Variants in MEI4 observed in about 807,000 individuals in gnomAD.
The protein encoded by MEI4 is meiosis-specific protein MEI4.
MEI4 carries 27 observed loss-of-function variants against 31.4 expected under a neutral mutation model. The observed-to-expected ratio is 0.86, with a 90% CI of 0.63 to 1.19. MEI4 has a LOEUF of 1.19. Ranked by LOEUF, MEI4 falls within the 50% of genes most tolerant of loss-of-function variation. The pLI, the probability that MEI4 is intolerant of heterozygous loss-of-function variation, is 0.00. For synonymous variants in MEI4, 122 were observed against 145.4 expected, an observed-to-expected ratio of 0.84 and a Z score of 1.16; for missense variants, 329 against 398.9, an observed-to-expected ratio of 0.82 and a Z score of 1.49.
intron 2 of MEI4, among the ~76,000 whole-genome samples, chr6:77,692,894 T>G (rs986542471): frequency 5.3e-5 from 8 of 151,976 alleles, no homozygotes; most frequent in Non-Finnish European, 1.0e-4. Flanking sequence ...AGACACAGAC[T>G]TAGGATCTGT....
intron 4 of MEI4, among the ~76,000 whole-genome samples, chr6:77,917,771 A>C (rs1255402012): frequency 6.6e-6 from 1 of 151,016 alleles, no homozygotes; most frequent in Non-Finnish European, 1.5e-5. Context: ...CTTTAGTTTA[A>C]TGAGATACCA....
chr6:77,914,651 C>T (rs558229642), intron 4 of MEI4, among the ~76,000 whole-genome samples: 21 of 152,052 alleles, frequency 1.4e-4, no homozygotes, highest in African/African-American at 2.4e-4. Flanking sequence ...CTAGATAATC[C>T]GTCTAATGCT....
intron 3 of MEI4, among the ~76,000 whole-genome samples, chr6:77,821,746 A>C (rs1273400299): frequency 6.9e-6 from 1 of 144,868 alleles, no homozygotes; most frequent in Non-Finnish European, 1.5e-5. Context: ...TGGTGAGCTG[A>C]GATCGCGCCA....
intron 4 of MEI4, among the ~76,000 whole-genome samples, chr6:77,886,393 G>A (rs771885097): frequency 6.6e-6 from 1 of 151,346 alleles, no homozygotes. Context: ...TAGGTTGTAC[G>A]TGTCCAAGAA....
intron 4 of MEI4, 132 bp from the exon 5 acceptor site, chr6:77,922,957 G>GTGAC (rs1554181879): frequency 2.2e-6 from 1 of 451,668 alleles, no homozygotes. Context: ...TTGTTCACCA[G>GTGAC]TGACAGGATG....
At chr6:77,862,737 C>T (rs1464901800) in intron 4 of MEI4, among the ~76,000 whole-genome samples, 2 of 152,160 alleles carry the variant, frequency 1.3e-5, no homozygotes, top group Admixed American at 6.5e-5. Flanking sequence ...GTGGTTCTCC[C>T]AGCACGCAGC....
At chr6:77,869,121 C>T (rs1343727707) in intron 4 of MEI4, among the ~76,000 whole-genome samples, 1 of 152,036 alleles carries the variant, frequency 6.6e-6, no homozygotes, top group African/African-American at 2.4e-5. Context: ...TTGCAGTAAG[C>T]AAAGCAAAGT....
chr6:77,825,921 C>G (rs559530980), intron 3 of MEI4, among the ~76,000 whole-genome samples: 1 of 152,272 alleles, frequency 6.6e-6, no homozygotes, highest in South Asian at 2.1e-4. Flanking sequence ...ACAATCTATA[C>G]TCTGTGCATG....
chr6:77,821,467 A>G (rs1582183210), intron 3 of MEI4, among the ~76,000 whole-genome samples: 1 of 152,258 alleles, frequency 6.6e-6, no homozygotes, highest in Non-Finnish European at 1.5e-5. Flanking sequence ...CAATGTAGAT[A>G]TGGCTGGATT....
chr6:77,786,557 G>A (rs1260981796), intron 3 of MEI4, among the ~76,000 whole-genome samples: 2 of 152,032 alleles, frequency 1.3e-5, no homozygotes, highest in African/African-American at 2.4e-5. Context: ...GGAGGTGCTA[G>A]GAAATGTAAT....
At chr6:77,922,678 T>C (rs550447978) in intron 4 of MEI4, among the ~76,000 whole-genome samples, 11 of 151,868 alleles carry the variant, frequency 7.2e-5, no homozygotes, top group South Asian at 2.1e-4. Flanking sequence ...TATTCCCCTA[T>C]AGATGATGAA....
intron 4 of MEI4, among the ~76,000 whole-genome samples, chr6:77,899,143 C>T (rs1189580039): frequency 6.6e-6 from 1 of 151,984 alleles, no homozygotes; most frequent in Non-Finnish European, 1.5e-5. Flanking sequence ...GAATGTGAAA[C>T]GTGCATATGA....
intron 4 of MEI4, among the ~76,000 whole-genome samples, chr6:77,830,742 A>AAAATC (rs1214484666): frequency 6.6e-6 from 1 of 152,132 alleles, no homozygotes; most frequent in Non-Finnish European, 1.5e-5. Flanking sequence ...ATCGTATACA[A>AAAATC]AAATCAAATT....
chr6:77,835,373 A>ACACACACACAC (rs1770189280), intron 4 of MEI4, among the ~76,000 whole-genome samples: 4 of 96,804 alleles, frequency 4.1e-5, no homozygotes, highest in African/African-American at 1.4e-4. Flanking sequence ...AACAAAACAA[A>ACACACACACAC]ACACACACAC....
intron 4 of MEI4, among the ~76,000 whole-genome samples, chr6:77,922,769 G>T (rs1487173917): frequency 6.6e-6 from 1 of 151,540 alleles, no homozygotes; most frequent in African/African-American, 2.4e-5. Context: ...TTTAACACTG[G>T]TATGACTCCT....
intron 4 of MEI4, among the ~76,000 whole-genome samples, chr6:77,829,837 G>C (rs950670800): frequency 6.6e-6 from 1 of 152,114 alleles, no homozygotes; most frequent in Non-Finnish European, 1.5e-5. Context: ...TATTGTATAT[G>C]TATGTAATTT....
At chr6:77,658,434 T>C (rs1768439494) in intron 1 of MEI4, among the ~76,000 whole-genome samples, 1 of 152,146 alleles carries the variant, frequency 6.6e-6, no homozygotes, top group African/African-American at 2.4e-5. Context: ...GGGGATGCGA[T>C]GGCTTGGCTT....
rs1453785841 is a variant in MEI4, at chr6:77,800,432, C to A, written c.769-28499C>A. Among the ~76,000 whole-genome samples, 11 of 152,158 alleles carry A rather than the reference C, an allele frequency of 7.2e-5. 1 individual carries two copies. The highest frequency in any genetic ancestry group is 4.2e-4 in the South Asian group (2 of 4,814). ...GGGTTTTCTAGATATACAATCAAGT[C>A]ATCTGCAAACAGGGACAATTTGACT... On this transcript the variant is annotated intron_variant, in intron 3 of 4. Coordinates refer to ENST00000684080, the MANE Select transcript of MEI4 (RefSeq NM_001322247.2).
chr6:77,872,348 G>T (rs1771214597), intron 4 of MEI4, among the ~76,000 whole-genome samples: 1 of 152,022 alleles, frequency 6.6e-6, no homozygotes, highest in South Asian at 2.1e-4. Flanking sequence ...AGGAGTCCAG[G>T]GCAGGAGGAT....
Sources: allele counts gnomAD v4.1 joint callset (sites outside exome capture counted in the v4.1 genomes callset), GRCh38; gene constraint gnomAD v4.1.1; transcripts MANE v1.5; gene names NCBI Gene and HGNC (gene_info 2026-07-23, HGNC 2026-07-21).